OR4M1: variants seen among roughly 807,000 people sequenced by gnomAD.
The protein encoded by OR4M1 is olfactory receptor 4M1.
OR4M1 carries 7 observed loss-of-function variants against 9.8 expected under a neutral mutation model. That is an observed-to-expected ratio of 0.71 (90% CI 0.41 to 1.34). OR4M1 has a LOEUF of 1.34. Ranked by LOEUF, OR4M1 falls within the 40% of genes most tolerant of loss-of-function variation. OR4M1 has a pLI of 0.01. For missense variants in OR4M1, 331 were observed against 380.4 expected, an observed-to-expected ratio of 0.87 and a Z score of 1.08; for synonymous variants, 121 against 139.8, an observed-to-expected ratio of 0.87 and a Z score of 0.95.
Position 19,781,202 on chromosome 14 carries a change from A to G in OR4M1, c.880A>G (p.Lys294Glu), listed in dbSNP as rs767859229. ...LNPIIYTLRN[K>E]EVKAAMRKVV... Reference sequence around the variant, plus strand: ...TCCCATTATTTACACATTGAGAAACAAGGAAGTAAAGGCAGCCATGAGGAA... The same window carrying G: ...TCCCATTATTTACACATTGAGAAACGAGGAAGTAAAGGCAGCCATGAGGAA... The change falls in exon 2 of 2, where the codon AAG becomes GAG. Residue 294 changes from lysine to glutamate, a missense_variant. Lys to Glu is a moderately conservative substitution (Grantham distance 56). Transcript: ENST00000641200. 6.2e-7 allele frequency: 1 copy of G among 1,613,958 alleles called. No homozygotes were observed. The highest frequency in any genetic ancestry group is 2.2e-5 in the East Asian group (1 of 44,898).
rs775904551 is a variant in OR4M1 at position 19,781,256 on chromosome 14, G to A, written c.934G>A (p.Glu312Lys). 1 of 1,605,102 alleles carries A rather than the reference G, an allele frequency of 6.2e-7. No homozygotes were observed. Among genetic ancestry groups the A allele is most frequent in the Non-Finnish European group, 8.5e-7 (1 of 1,174,376 alleles). Residue 312 changes from glutamate to lysine, a missense_variant, in exon 2 of 2, where the codon GAG becomes AAG. Transcript: ENST00000641200. ...KVVTKYILCE[E>K]K ...GGTCACCAAATATATTTTGTGTGAA[G>A]AGAAGTGAAAGATAAATTATACATT... is the stretch of plus-strand genomic sequence containing the variant.
intron 1 of OR4M1, among the ~76,000 whole-genome samples, chr14:19,774,608 A>G (rs1217662050): frequency 5.2e-4 from 79 of 152,364 alleles, no homozygotes; most frequent in Admixed American, 3.4e-3. Context: ...TGACATTTTT[A>G]TGGAACTTAT....
intron 1 of OR4M1, among the ~76,000 whole-genome samples, chr14:19,774,228 G>A (rs1158267972): frequency 6.6e-5 from 10 of 152,314 alleles, no homozygotes. Flanking sequence ...TTAACAAAAA[G>A]GATTCCAAAA....
chr14:19,774,784 G>T (rs1264292885), intron 1 of OR4M1, among the ~76,000 whole-genome samples: 2 of 152,114 alleles, frequency 1.3e-5, no homozygotes, highest in African/African-American at 4.8e-5. Flanking sequence ...TATGAAGTAG[G>T]TACTGTTATT....
At chr14:19,775,997 A>G (rs1878299701) in intron 1 of OR4M1, among the ~76,000 whole-genome samples, 1 of 152,092 alleles carries the variant, frequency 6.6e-6, no homozygotes, top group East Asian at 1.9e-4. Context: ...TTTATTTATG[A>G]CACTCGAGGT....
At position 19,780,704 on chromosome 14, in the gene OR4M1, C is replaced by T. The variant is rs200594443; in HGVS notation, c.382C>T (p.Arg128Ter). The change falls in exon 2 of 2, where the codon CGA (arginine) becomes TGA (stop). Residue 128 changes from arginine to a stop codon, truncating the protein, a stop_gained. Coordinates refer to ENST00000641200, the MANE Select transcript of OR4M1 (RefSeq NM_001005500.2). LOFTEE classifies it high-confidence loss of function. ...MAYDRYAAIC[R>*]PLHYATIMNR... ...CTATGACCGCTATGCTGCTATCTGC[C>T]GACCCCTCCACTATGCTACCATCAT... 104 of 1,614,214 alleles carry T rather than the reference C, an allele frequency of 6.4e-5. No homozygotes were observed. The East Asian group carries it at 1.2e-3, about 19-fold the overall frequency.
chr14:19,781,198 A>G lies in OR4M1; in HGVS notation c.876A>G (p.Arg292=). The G allele has an allele frequency of 6.2e-7, 1 of 1,614,154 alleles. No homozygotes were observed. The highest frequency in any genetic ancestry group is 8.5e-7 in the Non-Finnish European group (1 of 1,179,986). The change falls in exon 2 of 2, where the codon AGA becomes AGG. Residue 292 remains arginine, a synonymous_variant. Coordinates refer to ENST00000641200, the MANE Select transcript of OR4M1 (RefSeq NM_001005500.2). ...PLLNPIIYTL[R]NKEVKAAMRK... Reference sequence around the variant, plus strand: ...TTAATCCCATTATTTACACATTGAGAAACAAGGAAGTAAAGGCAGCCATGA... The same window carrying G: ...TTAATCCCATTATTTACACATTGAGGAACAAGGAAGTAAAGGCAGCCATGA...
At chr14:19,773,989 T>C (rs1339358321) in intron 1 of OR4M1, among the ~76,000 whole-genome samples, 1 of 152,380 alleles carries the variant, frequency 6.6e-6, no homozygotes, top group East Asian at 1.9e-4. Context: ...TGAATCCCTT[T>C]ACTCCTGAAA....
At position 19,777,028 on chromosome 14, in the gene OR4M1, ATATATATATATATATATATATT is replaced by A. The variant is rs1467117878; in HGVS notation, c.-29-3265_-29-3244del. Among the ~76,000 whole-genome samples, 1,245 of 135,478 alleles carry A rather than the reference ATATATATATATATATATATATT, an allele frequency of 9.2e-3. 4 individuals are homozygous for A. Among genetic ancestry groups the A allele is most frequent in the Middle Eastern group, 0.023 (6 of 256 alleles). The allele number at this position is 135,478 out of a possible 152,430, so 88.9% of individuals were successfully genotyped here. A position where few individuals can be genotyped will look rare whatever the true frequency, so the allele number is the denominator to read the frequency against. On this transcript the variant is annotated intron_variant, in intron 1 of 1. Transcript: ENST00000641200. ...AAGCCATATATATATATATATATAT[ATATATATATATATATATATATT>A]GTTTGTTTGTTTTTCCTGTAATGTT...
At chr14:19,774,834 T>A (rs2815963) in intron 1 of OR4M1, among the ~76,000 whole-genome samples, 107,522 of 151,310 alleles carry the variant, frequency 0.71, 34,704 homozygotes, top group African/African-American at 0.78. Flanking sequence ...GGCAGAGGTA[T>A]GTGAGTTGCC....
Position 19,780,609 on chromosome 14 carries a change from G to T in OR4M1, c.287G>T (p.Gly96Val). Residue 96 changes from glycine (G) to valine (V), a missense_variant, in exon 2 of 2, where the codon GGA becomes GTA. By Grantham distance (109) the Gly-to-Val change is moderately radical (BLOSUM62 -3). This residue lies in a region of OR4M1 where 209 missense variants were observed against 200.0 expected (regional missense o/e 1.04). Coordinates refer to ENST00000641200, the MANE Select transcript of OR4M1 (RefSeq NM_001005500.2). ...FVERKIISFG[G>V]CIAQLFFLHF... is the part of the protein sequence containing the mutation. ...GAGAGGAAGATAATTTCCTTTGGTG[G>T]ATGCATTGCACAGCTCTTCTTCTTA... The T allele has an allele frequency of 6.2e-7, 1 of 1,614,202 alleles. No individual in the cohort carries two copies. The highest frequency in any genetic ancestry group is 8.5e-7 in the Non-Finnish European group (1 of 1,180,030).
rs1311915749 is a variant in OR4M1, at chr14:19,780,394, A to G, written c.72A>G (p.Gln24=). ...GCCTATCCCAGACTCGGGAGGTCCA[A>G]CTAGTCCTATTTGTTATATTTCTAT... is the stretch of plus-strand genomic sequence containing the variant. The part of the protein sequence containing the change: ...LTGLSQTREV[Q]LVLFVIFLSF... The change falls in exon 2 of 2, where the codon CAA becomes CAG. Residue 24 remains glutamine, a synonymous_variant. Transcript: ENST00000641200. 7 of 1,614,214 alleles carry G rather than the reference A, an allele frequency of 4.3e-6. No homozygotes were observed. The highest frequency in any genetic ancestry group is 5.9e-6 in the Non-Finnish European group (7 of 1,179,994).
chr14:19,780,207 C>T, intron 1 of OR4M1, 87 bp from the exon 2 acceptor site: 1 of 1,183,432 alleles, frequency 8.4e-7, no homozygotes, highest in East Asian at 2.5e-5. Context: ...CTGTTAGTGA[C>T]AGAAAACGTA....
chr14:19,775,996 G>C (rs113496679), intron 1 of OR4M1, among the ~76,000 whole-genome samples: 1,500 of 151,886 alleles, frequency 9.9e-3, no homozygotes, highest in African/African-American at 0.033. Context: ...GTTTATTTAT[G>C]ACACTCGAGG....
At chr14:19,774,101 T>C (rs572528822) in intron 1 of OR4M1, among the ~76,000 whole-genome samples, 158 of 152,316 alleles carry the variant, frequency 1.0e-3, no homozygotes, top group South Asian at 1.7e-3. Context: ...AAATATTTCA[T>C]TTCAAAGGGA....
At chr14:19,775,573 T>A (rs946297692) in intron 1 of OR4M1, among the ~76,000 whole-genome samples, 169 of 147,304 alleles carry the variant, frequency 1.1e-3, no homozygotes, top group African/African-American at 4.0e-3. Flanking sequence ...TATATAAATA[T>A]GTAATATATG....
intron 1 of OR4M1, among the ~76,000 whole-genome samples, chr14:19,775,823 G>T (rs1025458402): frequency 6.9e-6 from 1 of 145,554 alleles, no homozygotes; most frequent in African/African-American, 2.5e-5. Context: ...TAATAATAAA[G>T]TATATTAAAA....
chr14:19,776,934 C>T (rs1457215292), intron 1 of OR4M1, among the ~76,000 whole-genome samples: 3 of 148,910 alleles, frequency 2.0e-5, no homozygotes, highest in Non-Finnish European at 4.4e-5. Flanking sequence ...TAAATCCTGC[C>T]AGTTGCATCT....
In OR4M1 at chr14:19,780,725, A is replaced by G; in HGVS notation, c.403A>G (p.Ile135Val). 1 of 1,614,174 alleles carries G rather than the reference A, an allele frequency of 6.2e-7. No individual in the cohort carries two copies. Among genetic ancestry groups the G allele is most frequent in the Non-Finnish European group, 8.5e-7 (1 of 1,180,024 alleles). ...CTGCCGACCCCTCCACTATGCTACC[A>G]TCATGAATCGACGTCTCTGCTGTAT... Reference protein sequence around the residue: ...AICRPLHYATIMNRRLCCILV... With the variant: ...AICRPLHYATVMNRRLCCILV... The change falls in exon 2 of 2, where the codon ATC becomes GTC. Residue 135 changes from isoleucine (I) to valine (V), a missense_variant. Ile to Val is a conservative substitution (Grantham distance 29). Coordinates refer to ENST00000641200, the MANE Select transcript of OR4M1 (RefSeq NM_001005500.2).
Sources: allele counts gnomAD v4.1 joint callset (sites outside exome capture counted in the v4.1 genomes callset), GRCh38; gene constraint gnomAD v4.1.1; regional missense constraint gnomAD v4.1.1; transcripts MANE v1.5; gene names NCBI Gene and HGNC (gene_info 2026-07-23, HGNC 2026-07-21).